The following RRM2 variants were observed in gnomAD, a reference collection of about 807,000 sequenced individuals.
The protein encoded by RRM2 is ribonucleotide reductase regulatory subunit M2, also known as ribonucleoside-diphosphate reductase subunit M2.
In RRM2, 6 loss-of-function variants were observed where a neutral mutation model predicts 45.9. The ratio of observed to expected loss-of-function variants is 0.13; its 90% CI spans 0.07 to 0.26. The LOEUF (loss-of-function observed/expected upper bound fraction) is 0.26. Among genes scored for constraint, RRM2 ranks in the 10% least tolerant of loss-of-function variants. The pLI, the probability that RRM2 is intolerant of heterozygous loss-of-function variation, is 1.00. For missense variants in RRM2, 343 were observed against 489.5 expected (o/e 0.70, Z 2.82); for synonymous variants, 177 against 173.0 (o/e 1.02, Z -0.18).
At chr2:10,170,869 C>G (rs1663790850) in intron 3 of RRM2, among the ~76,000 whole-genome samples, 1 of 152,164 alleles carries the variant, frequency 6.6e-6, no homozygotes, top group South Asian at 2.1e-4. Flanking sequence ...GAATCAGATG[C>G]CAGAAAGAAG....
At chr2:10,147,454 T>G (rs1162785015) in intron 3 of RRM2, among the ~76,000 whole-genome samples, 1 of 151,690 alleles carries the variant, frequency 6.6e-6, no homozygotes, top group Non-Finnish European at 1.5e-5. Context: ...AATTTTTGTA[T>G]TTTTTTTGTA....
At position 10,205,805 on chromosome 2, in the gene RRM2, C is replaced by G. The variant is rs1257125118; in HGVS notation, n.483-4506C>G. Reference sequence around the variant, plus strand: ...CTCCTGGTTTCAAGTGATTCTCCTGCCTCAGCCTCTGGAGTAGCTGGGACT... The same window carrying G: ...CTCCTGGTTTCAAGTGATTCTCCTGGCTCAGCCTCTGGAGTAGCTGGGACT... On this transcript the variant is annotated intron_variant and non_coding_transcript_variant, in intron 3 of 3. Coordinates refer to the RRM2 transcript ENST00000381786. This position sits in a 1 kb window ranked among gnomAD's most constrained non-coding sequence, Gnocchi z 4.8. Among the ~76,000 whole-genome samples, 1 of 152,094 alleles carries G rather than the reference C, an allele frequency of 6.6e-6. No homozygotes were observed. The highest frequency in any genetic ancestry group is 2.1e-4 in the South Asian group (1 of 4,826).
intron 2 of RRM2, 140 bp downstream of exon 2, chr2:10,123,197 C>T (rs1662703450): frequency 2.4e-6 from 3 of 1,276,078 alleles, no homozygotes; most frequent in Non-Finnish European, 3.2e-6. Flanking sequence ...GGCTGCCTCC[C>T]GCGCCCCTCG....
chr2:10,197,810 C>A (rs1664447332), intron 3 of RRM2, among the ~76,000 whole-genome samples: 1 of 152,174 alleles, frequency 6.6e-6, no homozygotes, highest in South Asian at 2.1e-4. Flanking sequence ...TCCCAGGGCC[C>A]AGCAGAGCCT....
chr2:10,197,536 G>T (rs1285899129), intron 3 of RRM2, among the ~76,000 whole-genome samples: 1 of 152,060 alleles, frequency 6.6e-6, no homozygotes, highest in African/African-American at 2.4e-5. Flanking sequence ...CCTGGAGAGA[G>T]CACACTTGTG....
In RRM2 at chr2:10,179,313, G is replaced by A. The variant is rs568060562; in HGVS notation, n.483-30998G>A. On this transcript the variant is annotated intron_variant and non_coding_transcript_variant, in intron 3 of 3. Coordinates refer to the RRM2 transcript ENST00000381786. ...ATTACAGCCACATGCCACCACGCCCGGCTAATTTTTGTATTTTTAGTAGAG... is the reference window on the plus strand; with the variant it reads ...ATTACAGCCACATGCCACCACGCCCAGCTAATTTTTGTATTTTTAGTAGAG... Among the ~76,000 whole-genome samples, 12 of 152,092 alleles carry A rather than the reference G, an allele frequency of 7.9e-5. No homozygotes were observed. The South Asian group carries it at 1.0e-3, about 13-fold the overall frequency.
intron 3 of RRM2, among the ~76,000 whole-genome samples, chr2:10,174,444 T>A (rs563486962): frequency 6.6e-6 from 1 of 152,170 alleles, no homozygotes; most frequent in South Asian, 2.1e-4. Context: ...CTCCCAGCTC[T>A]GTGTCCCCCG....
intron 3 of RRM2, among the ~76,000 whole-genome samples, chr2:10,162,909 G>T (rs757169601): frequency 1.3e-5 from 2 of 152,238 alleles, no homozygotes; most frequent in East Asian, 1.9e-4. Context: ...GGGCATGGCC[G>T]TCCACTGCAG....
intron 3 of RRM2, among the ~76,000 whole-genome samples, chr2:10,209,770 A>G (rs1206309512): frequency 6.6e-6 from 1 of 152,188 alleles, no homozygotes; most frequent in African/African-American, 2.4e-5. Context: ...ATAGCCAGAG[A>G]CGGATACAAT....
chr2:10,131,729 ACTGT>A (rs1662905291), downstream of RRM2, among the ~76,000 whole-genome samples: 2 of 152,124 alleles, frequency 1.3e-5, no homozygotes, highest in African/African-American at 2.4e-5. Context: ...GCAGAGTGAG[ACTGT>A]CTGAAAAAAA....
At position 10,167,534 on chromosome 2, in the gene RRM2, C is replaced by G. The variant is rs1172423290; in HGVS notation, n.482+25159C>G. On this transcript the variant is annotated intron_variant and non_coding_transcript_variant, in intron 3 of 3. Transcript: ENST00000381786. The stretch of plus-strand genomic sequence containing the variant: ...GCTGCGCCCTGCCTTGCTTCTTTCT[C>G]TCCTCTCAGGCTGTGTGTAGTCCTG... 2.0e-5 allele frequency among the ~76,000 whole-genome samples: 3 copies of G among 152,196 alleles called. No homozygotes were observed. In the East Asian group the frequency reaches 5.8e-4, roughly 29 times the overall value.
intron 4 of RRM2, 85 bp from the exon 5 acceptor site, chr2:10,124,632 A>G (rs1662743238): frequency 1.4e-6 from 2 of 1,446,822 alleles, no homozygotes; most frequent in African/African-American, 1.4e-5. Context: ...ATAATGGTAC[A>G]AAGAGTGCGA....
At chr2:10,124,012 T>A in intron 4 of RRM2, 160 bp downstream of exon 4, 1 of 653,200 alleles carries the variant, frequency 1.5e-6, no homozygotes, top group East Asian at 2.5e-5. Flanking sequence ...CACTTTGCAG[T>A]TCTTTCTTAT....
chr2:10,129,738 T>C lies in RRM2; in HGVS notation c.*352T>C. 5.0e-6 allele frequency: 1 copy of C among 201,024 alleles called. No individual in the cohort carries two copies. The highest frequency in any genetic ancestry group is 1.0e-5 in the Non-Finnish European group (1 of 99,976). 12.5% of individuals were successfully genotyped at this position (201,024 alleles called of 1,614,324 possible). A position where few individuals can be genotyped will look rare whatever the true frequency, so the allele number is the denominator to read the frequency against. On this transcript the variant is annotated 3_prime_UTR_variant, in exon 10 of 10. Transcript: ENST00000304567. The surrounding 1 kb of genome is among the most constrained non-coding windows in gnomAD (Gnocchi z 4.8). Reference sequence around the variant, plus strand: ...AGCCTCACTGCTTCAACGCAGATTTTAATGTTTACTTAAATATAAACCTGG... The same window carrying C: ...AGCCTCACTGCTTCAACGCAGATTTCAATGTTTACTTAAATATAAACCTGG...
chr2:10,133,901 G>C (rs974657688), downstream of RRM2, among the ~76,000 whole-genome samples: 2 of 151,944 alleles, frequency 1.3e-5, no homozygotes, highest in Non-Finnish European at 2.9e-5. Context: ...TAGGTGGGCC[G>C]GGCATGGTGG....
chr2:10,199,905 C>T (rs1234290023), intron 3 of RRM2, among the ~76,000 whole-genome samples: 1 of 151,618 alleles, frequency 6.6e-6, no homozygotes, highest in African/African-American at 2.4e-5. Flanking sequence ...GCAATCTCAG[C>T]TCACTGCAAC....
At chr2:10,132,852 C>A (rs528548250), downstream of RRM2, among the ~76,000 whole-genome samples, 1 of 152,144 alleles carries the variant, frequency 6.6e-6, no homozygotes, top group African/African-American at 2.4e-5. Context: ...GGCCTGCAGT[C>A]TGTTCTGCTC....
chr2:10,155,215 T>C, intron 3 of RRM2: 1 of 269,124 alleles, frequency 3.7e-6, no homozygotes. Context: ...TAATGGGGTT[T>C]CTTTAATTAG....
rs776510621 is a variant in RRM2 at position 10,188,553 on chromosome 2, C to T, written n.483-21758C>T. 2.0e-4 allele frequency among the ~76,000 whole-genome samples: 31 copies of T among 152,142 alleles called. 1 individual carries two copies. The highest frequency in any genetic ancestry group is 3.8e-4 in the Non-Finnish European group (26 of 68,022). On this transcript the variant is annotated intron_variant and non_coding_transcript_variant, in intron 3 of 3. Transcript: ENST00000381786. ...AATCACCTCCTTAAAGACCTCATCT[C>T]CAAATACGTCCTGTTGAGGAGTTGG...
Sources: gnomAD v4.1 joint callset for allele counts (sites outside exome capture counted in the v4.1 genomes callset) on GRCh38, gnomAD v4.1.1 for gene constraint, Gnocchi (gnomAD v3.1) non-coding constraint, MANE v1.5 for transcripts, NCBI Gene and HGNC (gene_info 2026-07-23, HGNC 2026-07-21) for gene names.